The following NPAS3 variants were observed in gnomAD, a reference collection of about 807,000 sequenced individuals.
NPAS3 encodes neuronal PAS domain-containing protein 3.
In NPAS3, 14 loss-of-function variants were observed where a neutral mutation model predicts 73.1. The observed-to-expected ratio is 0.19, with a 90% CI of 0.13 to 0.30. The LOEUF (loss-of-function observed/expected upper bound fraction) is 0.30, where lower values mean the gene tolerates loss of function less well. Among genes scored for constraint, NPAS3 ranks in the 10% least tolerant of loss-of-function variants. The pLI is 1.00. For synonymous variants in NPAS3, 620 were observed against 541.5 expected, an observed-to-expected ratio of 1.14 and a Z score of -2.01; for missense variants, 1,096 against 1,250.0, an observed-to-expected ratio of 0.88 and a Z score of 1.86.
At chr14:33,561,409 G>C (rs1413313888) in intron 5 of NPAS3, among the ~76,000 whole-genome samples, 1 of 152,166 alleles carries the variant, frequency 6.6e-6, no homozygotes, top group Non-Finnish European at 1.5e-5. Flanking sequence ...TCCAAACAAG[G>C]GTCTGGTCTG....
At chr14:33,170,198 G>A (rs577480381) in intron 2 of NPAS3, among the ~76,000 whole-genome samples, 2 of 152,276 alleles carry the variant, frequency 1.3e-5, no homozygotes, top group East Asian at 1.9e-4. Context: ...ACAATGAAGC[G>A]AGTCATATTT....
intron 1 of NPAS3, among the ~76,000 whole-genome samples, chr14:33,014,098 T>C (rs2039309036): frequency 6.6e-6 from 1 of 152,164 alleles, no homozygotes; most frequent in African/African-American, 2.4e-5. Flanking sequence ...CATAAGGTAT[T>C]ACTCAAATCA....
chr14:33,149,902 A>G (rs897476774), intron 2 of NPAS3, among the ~76,000 whole-genome samples: 6 of 152,146 alleles, frequency 3.9e-5, no homozygotes, highest in Non-Finnish European at 7.3e-5. Flanking sequence ...TGTCATCTAC[A>G]TTAGGTATTT....
intron 2 of NPAS3, among the ~76,000 whole-genome samples, chr14:33,076,905 CAA>C (rs1595388620): frequency 6.6e-6 from 1 of 152,114 alleles, no homozygotes; most frequent in Admixed American, 6.5e-5. Context: ...TTTTATTCTA[CAA>C]AAAGTTTTTC....
At chr14:33,586,584 T>C (rs1352654250) in intron 5 of NPAS3, among the ~76,000 whole-genome samples, 1 of 152,202 alleles carries the variant, frequency 6.6e-6, no homozygotes, top group African/African-American at 2.4e-5. Flanking sequence ...TTTGGAGATG[T>C]ATCATTTAGT....
chr14:33,189,593 G>T (rs1248504655), intron 2 of NPAS3, among the ~76,000 whole-genome samples: 1 of 152,158 alleles, frequency 6.6e-6, no homozygotes, highest in East Asian at 1.9e-4. Flanking sequence ...TGACCTTTTG[G>T]ACTGTAGGCA....
intron 2 of NPAS3, among the ~76,000 whole-genome samples, chr14:33,209,508 G>T (rs894643522): frequency 2.0e-5 from 3 of 152,162 alleles, no homozygotes; most frequent in Admixed American, 6.5e-5. Flanking sequence ...AGTTAACTAC[G>T]ACCAGAGATC....
chr14:33,086,812 T>C (rs942090898), intron 2 of NPAS3, among the ~76,000 whole-genome samples: 1 of 152,108 alleles, frequency 6.6e-6, no homozygotes, highest in Non-Finnish European at 1.5e-5. Context: ...GACATTCATC[T>C]GGGGTTATTG....
chr14:32,957,508 T>C (rs1165294385), intron 1 of NPAS3, among the ~76,000 whole-genome samples: 1 of 151,488 alleles, frequency 6.6e-6, no homozygotes, highest in Non-Finnish European at 1.5e-5. Flanking sequence ...AGTAGCTGGG[T>C]CTACAGGTGC....
At chr14:33,445,633 T>C (rs1241629582) in intron 4 of NPAS3, among the ~76,000 whole-genome samples, 1 of 152,246 alleles carries the variant, frequency 6.6e-6, no homozygotes, top group Non-Finnish European at 1.5e-5. Flanking sequence ...GATGAAGATA[T>C]TTCCCCAAGG....
intron 4 of NPAS3, among the ~76,000 whole-genome samples, chr14:33,508,623 A>T (rs768679423): frequency 3.3e-5 from 5 of 152,042 alleles, no homozygotes; most frequent in African/African-American, 1.2e-4. Context: ...GTCATCCTCC[A>T]TTATCCTCAG....
At chr14:33,351,253 A>G (rs2045033826) in intron 3 of NPAS3, among the ~76,000 whole-genome samples, 1 of 152,192 alleles carries the variant, frequency 6.6e-6, no homozygotes, top group African/African-American at 2.4e-5. Flanking sequence ...CAATAATCAA[A>G]TACCCGCAGC....
Position 33,651,722 on chromosome 14 carries a change from A to G in NPAS3, c.559-24489A>G, listed in dbSNP as rs962669209. On this transcript the variant is annotated intron_variant, in intron 5 of 11. Coordinates refer to ENST00000356141, the Ensembl canonical transcript of NPAS3. Reference sequence around the variant, plus strand: ...TTCTATAAGGTCATTATGAAGAGGAAAAAAACTGATATAAAAGTACCTGAT... The same window carrying G: ...TTCTATAAGGTCATTATGAAGAGGAGAAAAACTGATATAAAAGTACCTGAT... Among the ~76,000 whole-genome samples the G allele has an allele frequency of 7.2e-5, 11 of 152,132 alleles. 1 individual carries two copies. The highest frequency in any genetic ancestry group is 1.9e-4 in the African/African-American group (8 of 41,426).
At chr14:33,680,580 T>C in intron 6 of NPAS3, 1 of 702,642 alleles carries the variant, frequency 1.4e-6, no homozygotes, top group Non-Finnish European at 2.6e-6. Flanking sequence ...TTCTCTAAGA[T>C]AAAATTCCCT....
chr14:33,622,198 T>C (rs1032995061), intron 5 of NPAS3, among the ~76,000 whole-genome samples: 7 of 152,004 alleles, frequency 4.6e-5, no homozygotes, highest in Admixed American at 4.6e-4. Flanking sequence ...AAATAAACAT[T>C]AGTTAGATAC....
At chr14:33,148,763 T>C (rs1292880040) in intron 2 of NPAS3, among the ~76,000 whole-genome samples, 4 of 152,146 alleles carry the variant, frequency 2.6e-5, no homozygotes, top group African/African-American at 9.7e-5. Context: ...CAAAGCTCCC[T>C]GTAAGCCTCC....
At chr14:33,054,022 A>G (rs1377854210) in intron 1 of NPAS3, among the ~76,000 whole-genome samples, 1 of 152,218 alleles carries the variant, frequency 6.6e-6, no homozygotes, top group African/African-American at 2.4e-5. Flanking sequence ...AGGTCAAACC[A>G]ATTCTTTTAA....
chr14:33,295,274 G>A (rs955368416), intron 3 of NPAS3, among the ~76,000 whole-genome samples: 3 of 152,112 alleles, frequency 2.0e-5, no homozygotes, highest in South Asian at 2.1e-4. Flanking sequence ...CCCAGCTCCC[G>A]TAAGTACTGA....
At chr14:33,420,200 A>C (rs571983710) in intron 4 of NPAS3, among the ~76,000 whole-genome samples, 5 of 152,066 alleles carry the variant, frequency 3.3e-5, no homozygotes, top group African/African-American at 1.2e-4. Context: ...TTTGCCAAGT[A>C]AGGATTTTCA....
Sources: gnomAD v4.1 joint callset for allele counts (sites outside exome capture counted in the v4.1 genomes callset) on GRCh38, gnomAD v4.1.1 for gene constraint, MANE v1.5 for transcripts, NCBI Gene and HGNC (gene_info 2026-07-23, HGNC 2026-07-21) for gene names.